ATP6V0A1: variants seen among roughly 807,000 people sequenced by gnomAD.
ATP6V0A1 encodes the protein ATPase H+ transporting V0 subunit a1, also known as V-type proton ATPase 116 kDa subunit a 1.
In ATP6V0A1, 43 loss-of-function variants were observed where a neutral mutation model predicts 105.4. The ratio of observed to expected loss-of-function variants is 0.41; its 90% CI spans 0.32 to 0.53. ATP6V0A1 has a LOEUF of 0.53. Among genes scored for constraint, ATP6V0A1 ranks in the 20% least tolerant of loss-of-function variants. The probability of loss-of-function intolerance (pLI) is 0.30; values close to 1 mark genes in which losing one functional copy is unlikely to be tolerated. For synonymous variants in ATP6V0A1, 362 were observed against 372.8 expected (o/e 0.97, Z 0.33); for missense variants, 676 against 1,051.1 (o/e 0.64, Z 4.93).
chr17:42,507,489 C>T, intron 17 of ATP6V0A1, 31 bp from the exon 18 acceptor site: 1 of 1,526,304 alleles, frequency 6.6e-7, no homozygotes, highest in Non-Finnish European at 9.0e-7. Flanking sequence ...AAAGCCCAGG[C>T]AAATTCTACT....
intron 5 of ATP6V0A1, among the ~76,000 whole-genome samples, chr17:42,475,478 A>C (rs1205499411): frequency 1.3e-5 from 2 of 152,246 alleles, no homozygotes; most frequent in Non-Finnish European, 2.9e-5. Context: ...AATGTGGCCC[A>C]ACACAAATTC....
intron 7 of ATP6V0A1, among the ~76,000 whole-genome samples, chr17:42,479,891 T>C (rs2089278121): frequency 6.6e-6 from 1 of 152,228 alleles, no homozygotes; most frequent in Admixed American, 6.5e-5. Flanking sequence ...ATGGGGACCC[T>C]GGATATCTGT....
chr17:42,461,331 T>C (rs112495651), intron 2 of ATP6V0A1, among the ~76,000 whole-genome samples: 3 of 152,170 alleles, frequency 2.0e-5, no homozygotes, highest in African/African-American at 4.8e-5. Context: ...TAAAAAAATA[T>C]ATTGCAGTTT....
In ATP6V0A1 at chr17:42,507,643, G is replaced by T. The variant is rs369137873; in HGVS notation, c.2112+16G>T. 84 of 1,606,952 alleles carry T rather than the reference G, an allele frequency of 5.2e-5. No homozygotes were observed. The highest frequency in any genetic ancestry group is 6.4e-5 in the Non-Finnish European group (75 of 1,173,792). ...CGCAGACGAGGTAAGATCCCGTGGT[G>T]TGGGCTTTCTCTCCTTCCACCTCGG... On this transcript the variant is annotated intron_variant, in intron 18 of 21. Coordinates refer to ENST00000343619, the MANE Select transcript of ATP6V0A1 (RefSeq NM_001130021.3).
At chr17:42,492,420 G>A (rs868095509) in intron 11 of ATP6V0A1, among the ~76,000 whole-genome samples, 2 of 145,348 alleles carry the variant, frequency 1.4e-5, no homozygotes, top group South Asian at 2.2e-4. Flanking sequence ...AGAGTTCATC[G>A]GCTGGGCCAG....
intron 5 of ATP6V0A1, among the ~76,000 whole-genome samples, chr17:42,477,011 G>A (rs2088839968): frequency 1.3e-5 from 2 of 152,126 alleles, no homozygotes; most frequent in African/African-American, 4.8e-5. Context: ...CATTCTATAA[G>A]TGGCCATGCT....
rs1484583299 is a variant in ATP6V0A1 at position 42,494,377 on chromosome 17, G to A, written c.1218G>A (p.Met406Ile). Residue 406 changes from methionine to isoleucine, a missense_variant, in exon 12 of 22, where the codon ATG becomes ATA. Met to Ile is a conservative substitution (Grantham distance 10). Coordinates refer to ENST00000343619, the MANE Select transcript of ATP6V0A1 (RefSeq NM_001130021.3). ...CGTTCCCTTTTCTATTTGCTGTGAT[G>A]TTTGGAGACTTCGGTCATGGCATTT... ...IITFPFLFAVMFGDFGHGILM... is the reference protein window; with the variant it reads ...IITFPFLFAVIFGDFGHGILM... The A allele has an allele frequency of 6.2e-7, 1 of 1,613,726 alleles. No individual in the cohort carries two copies. Among genetic ancestry groups the A allele is most frequent in the African/African-American group, 1.3e-5 (1 of 74,898 alleles).
intron 19 of ATP6V0A1, among the ~76,000 whole-genome samples, chr17:42,509,130 G>A (rs1026814201): frequency 6.6e-6 from 1 of 151,988 alleles, no homozygotes; most frequent in Non-Finnish European, 1.5e-5. Flanking sequence ...TGTGACCCAG[G>A]TGAGAGGGAG....
At chr17:42,488,536 A>G (rs1195852691) in intron 10 of ATP6V0A1, among the ~76,000 whole-genome samples, 1 of 152,160 alleles carries the variant, frequency 6.6e-6, no homozygotes, top group Non-Finnish European at 1.5e-5. Context: ...CAGTGGTGCC[A>G]TCTCAGCTCA....
Position 42,483,003 on chromosome 17 carries a change from A to G in ATP6V0A1, c.717-35A>G, listed in dbSNP as rs376470573. On this transcript the variant is annotated intron_variant, in intron 8 of 21. Transcript: ENST00000343619. ...TACTTTCTGAGATTATTTAAATTAGATAAGTTAAGAAACTTCGATGTTCTT... is the reference window on the plus strand; with the variant it reads ...TACTTTCTGAGATTATTTAAATTAGGTAAGTTAAGAAACTTCGATGTTCTT... The G allele has an allele frequency of 8.1e-6, 11 of 1,362,456 alleles. No homozygotes were observed. In the African/African-American group the frequency reaches 1.0e-4, roughly 13 times the overall value. 84.4% of individuals were successfully genotyped at this position (1,362,456 alleles called of 1,614,324 possible). A position where few individuals can be genotyped will look rare whatever the true frequency, so the allele number is the denominator to read the frequency against.
rs1206200589 is a variant in ATP6V0A1, at chr17:42,458,905, G to C, written c.-106G>C. 1 of 153,534 alleles carries C rather than the reference G, an allele frequency of 6.5e-6. No homozygotes were observed. The highest frequency in any genetic ancestry group is 1.5e-5 in the Non-Finnish European group (1 of 68,808). The allele number at this position is 153,534 out of a possible 1,614,324, so 9.5% of individuals were successfully genotyped here. ...GTCGAAGCGCTGCTCCTGGAGCCGCGGAGGGTGCGGGTTTGGCTGCGGTGG... is the reference window on the plus strand; with the variant it reads ...GTCGAAGCGCTGCTCCTGGAGCCGCCGAGGGTGCGGGTTTGGCTGCGGTGG... On this transcript the variant is annotated 5_prime_UTR_variant, in exon 1 of 22. Coordinates refer to ENST00000343619, the MANE Select transcript of ATP6V0A1 (RefSeq NM_001130021.3).
At position 42,483,075 on chromosome 17, in the gene ATP6V0A1, C is replaced by A. The variant is rs756257957; in HGVS notation, c.754C>A (p.Gln252Lys). 2 of 1,575,898 alleles carry A rather than the reference C, an allele frequency of 1.3e-6. No homozygotes were observed. The highest frequency in any genetic ancestry group is 1.7e-4 in the Middle Eastern group (1 of 5,892). ...ASLYPCPETPQERKEMASGVN... is the reference protein window; with the variant it reads ...ASLYPCPETPKERKEMASGVN... ...ACTCTATCCCTGTCCTGAGACACCA[C>A]AGGAGAGGAAGGAAATGGCTTCTGG... Residue 252 changes from glutamine to lysine, a missense_variant, in exon 9 of 22, where the codon CAG becomes AAG. Physicochemically the swap from Gln to Lys is moderately conservative, Grantham distance 53. This residue lies in a region of ATP6V0A1 where 239 missense variants were observed against 388.4 expected (regional missense o/e 0.62). Coordinates refer to ENST00000343619, the MANE Select transcript of ATP6V0A1 (RefSeq NM_001130021.3).
chr17:42,511,033 T>A (rs1040039508), intron 19 of ATP6V0A1: 3 of 151,016 alleles, frequency 2.0e-5, no homozygotes, highest in African/African-American at 7.3e-5. Flanking sequence ...GATCTCGGTG[T>A]GGTCAGAGGA....
intron 17 of ATP6V0A1, among the ~76,000 whole-genome samples, chr17:42,507,127 G>C (rs112584243): frequency 6.6e-6 from 1 of 152,156 alleles, no homozygotes; most frequent in African/African-American, 2.4e-5. Context: ...AAGTCTAATC[G>C]TTAGGGCCAG....
chr17:42,473,970 G>A (rs868594732), intron 5 of ATP6V0A1, among the ~76,000 whole-genome samples: 49 of 151,258 alleles, frequency 3.2e-4, no homozygotes, highest in Non-Finnish European at 5.7e-4. Context: ...CATGATCTTT[G>A]TGCCCTTTTC....
At chr17:42,487,882 G>A (rs960963013) in intron 10 of ATP6V0A1, among the ~76,000 whole-genome samples, 10 of 152,080 alleles carry the variant, frequency 6.6e-5, no homozygotes, top group Admixed American at 2.6e-4. Context: ...ATATCATAGC[G>A]TAGCATAGCA....
intron 3 of ATP6V0A1, 25 bp downstream of exon 3, chr17:42,466,532 A>T (rs112416627): frequency 6.3e-7 from 1 of 1,576,324 alleles, no homozygotes; most frequent in Admixed American, 1.7e-5. Context: ...GTCTTGTGTA[A>T]TGTTCCTTTA....
At chr17:42,514,193 A>G in intron 20 of ATP6V0A1, 96 bp from the exon 21 acceptor site, 1 of 1,465,776 alleles carries the variant, frequency 6.8e-7, no homozygotes, top group African/African-American at 1.4e-5. Context: ...GCCAGGATCC[A>G]GGGAACCCTA....
In ATP6V0A1 at chr17:42,478,448, C is replaced by G. The variant is rs200709725; in HGVS notation, c.507-15C>G. 27 of 1,576,144 alleles carry G rather than the reference C, an allele frequency of 1.7e-5. No individual in the cohort carries two copies. Among genetic ancestry groups the G allele is most frequent in the Middle Eastern group, 3.4e-4 (2 of 5,910 alleles). On this transcript the variant is annotated splice_polypyrimidine_tract_variant and intron_variant, in intron 6 of 21. Coordinates refer to ENST00000343619, the MANE Select transcript of ATP6V0A1 (RefSeq NM_001130021.3). ...ACATGGAATAGAGTTTCCAATCTGC[C>G]TCTTCTCCCCACAGCTTCGTGGCTG...
Sources: allele counts gnomAD v4.1 joint callset (sites outside exome capture counted in the v4.1 genomes callset), GRCh38; gene constraint gnomAD v4.1.1; regional missense constraint gnomAD v4.1.1; transcripts MANE v1.5; gene names NCBI Gene and HGNC (gene_info 2026-07-23, HGNC 2026-07-21).